Variants in EDEM3 observed in about 807,000 individuals in gnomAD.
EDEM3 encodes the protein ER degradation enhancing alpha-mannosidase like protein 3.
A neutral mutation model predicts 110.2 loss-of-function variants in EDEM3; 60 were observed. The observed-to-expected ratio is 0.54, with a 90% CI of 0.44 to 0.67. The LOEUF is 0.67. EDEM3 is among the 30% of genes least tolerant of loss of function. The pLI is 0.00. For synonymous variants in EDEM3, 352 were observed against 382.9 expected (o/e 0.92, Z 0.94); for missense variants, 996 against 1,121.0 (o/e 0.89, Z 1.59).
chr1:184,691,316 T>C lies in EDEM3; in HGVS notation c.*2747A>G, dbSNP rs1649052624. The stretch of plus-strand genomic sequence containing the variant: ...TGAACTTTTATATGCAGAAAAAAAC[T>C]AGCTATTTTATTTTTAGTAGGTAAA... On this transcript the variant is annotated 3_prime_UTR_variant, in exon 20 of 20. Coordinates refer to ENST00000318130, the MANE Select transcript of EDEM3 (RefSeq NM_025191.4). 6.6e-6 allele frequency: 1 copy of C among 152,540 alleles called. No individual in the cohort carries two copies. The highest frequency in any genetic ancestry group is 2.4e-5 in the African/African-American group (1 of 41,456). 9.4% of individuals were successfully genotyped at this position (152,540 alleles called of 1,614,324 possible).
In EDEM3 at chr1:184,700,091, T is replaced by C. The variant is rs200853839; in HGVS notation, c.2389+2720A>G. ...GTGGATAGCTTAACTTTCAGAAGTG[T>C]CACAGGTTTGACCTAAGGAAGCAAC... On this transcript the variant is annotated intron_variant, in intron 19 of 19. Coordinates refer to ENST00000318130, the MANE Select transcript of EDEM3 (RefSeq NM_025191.4). Among the ~76,000 whole-genome samples the C allele has an allele frequency of 2.2e-4, 33 of 152,108 alleles. No individual in the cohort carries two copies. The East Asian group carries it at 5.4e-3, about 25-fold the overall frequency.
In EDEM3 at chr1:184,723,839, A is replaced by G. The variant is rs552116724; in HGVS notation, c.765T>C (p.Ala255=). ...GTCTTTTTTCCCAGAGAAAATCAAG[A>G]GCTTTTCTGGCATATTCCTGTAATT... The part of the protein sequence containing the change: ...ATIFEEYARK[A]LDFLWEKRQR... Residue 255 remains alanine (A), a synonymous_variant, in exon 8 of 20, where the codon GCT becomes GCC. Coordinates refer to ENST00000318130, the MANE Select transcript of EDEM3 (RefSeq NM_025191.4). 3.2e-6 allele frequency: 5 copies of G among 1,567,202 alleles called. No homozygotes were observed. The highest frequency in any genetic ancestry group is 4.3e-6 in the Non-Finnish European group (5 of 1,159,556).
At chr1:184,716,486 T>G (rs1650553994) in intron 13 of EDEM3, among the ~76,000 whole-genome samples, 1 of 152,146 alleles carries the variant, frequency 6.6e-6, no homozygotes, top group Non-Finnish European at 1.5e-5. Context: ...ACACACAGCT[T>G]TTGAGGAATT....
chr1:184,740,298 T>C (rs759163506), intron 2 of EDEM3, among the ~76,000 whole-genome samples: 1 of 152,172 alleles, frequency 6.6e-6, no homozygotes, highest in Non-Finnish European at 1.5e-5. Context: ...AGGATTTTTG[T>C]CAGTTATGTT....
chr1:184,754,350 C>A, intron 1 of EDEM3, 139 bp downstream of exon 1: 1 of 1,364,682 alleles, frequency 7.3e-7, no homozygotes, highest in Non-Finnish European at 9.8e-7. Context: ...ACCCTGTCCA[C>A]CCCTCTAGGG....
At chr1:184,721,128 C>T in intron 9 of EDEM3, 161 bp downstream of exon 9, 1 of 588,308 alleles carries the variant, frequency 1.7e-6, no homozygotes, top group Non-Finnish European at 2.9e-6. Flanking sequence ...ATGTATATCA[C>T]TTTTTACGCT....
intron 2 of EDEM3, 43 bp downstream of exon 2, chr1:184,749,500 ATAAT>A: frequency 7.2e-7 from 1 of 1,379,612 alleles, no homozygotes. Context: ...TGCTCACATA[ATAAT>A]CAACTCACAT....
intron 13 of EDEM3, among the ~76,000 whole-genome samples, chr1:184,715,708 T>C (rs182603009): frequency 1.3e-5 from 2 of 152,170 alleles, no homozygotes; most frequent in East Asian, 3.8e-4. Context: ...GTTGTAAGGA[T>C]CAAATTAGTT....
Position 184,754,544 on chromosome 1 carries a change from A to G in EDEM3, c.103T>C (p.Ser35Pro). The change falls in exon 1 of 20, where the codon TCC becomes CCC. Residue 35 changes from serine (S) to proline (P), a missense_variant. Transcript: ENST00000318130. ...GGCTCGGCCCCCGCCGTCCACACGG[A>G]GGTGGCCGACACCAGGCAGAACGCG... is the stretch of plus-strand genomic sequence containing the variant. Reference protein sequence around the residue: ...TAAFCLVSATSVWTAGAEPMS... With the variant: ...TAAFCLVSATPVWTAGAEPMS... 6.2e-7 allele frequency: 1 copy of G among 1,612,764 alleles called. No homozygotes were observed. The highest frequency in any genetic ancestry group is 8.5e-7 in the Non-Finnish European group (1 of 1,179,770).
At chr1:184,720,386 T>G (rs894874036) in intron 9 of EDEM3, 3 of 151,970 alleles carry the variant, frequency 2.0e-5, no homozygotes, top group African/African-American at 7.3e-5. Context: ...AATAACCCTA[T>G]AAATAGTACT....
chr1:184,707,178 T>C (rs1282597883), intron 17 of EDEM3, among the ~76,000 whole-genome samples: 1 of 152,218 alleles, frequency 6.6e-6, no homozygotes, highest in African/African-American at 2.4e-5. Context: ...AGTTGGGACC[T>C]GCAGGCAGAT....
At chr1:184,723,549 T>C (rs1041797466) in intron 8 of EDEM3, among the ~76,000 whole-genome samples, 2 of 151,964 alleles carry the variant, frequency 1.3e-5, no homozygotes, top group South Asian at 2.1e-4. Flanking sequence ...CATTAAGAAA[T>C]AGAATACTAA....
Position 184,719,233 on chromosome 1 carries a change from C to G in EDEM3, c.1090G>C (p.Asp364His), listed in dbSNP as rs1303078833. The G allele has an allele frequency of 1.3e-6, 2 of 1,568,610 alleles. No individual in the cohort carries two copies. The highest frequency in any genetic ancestry group is 1.4e-5 in the African/African-American group (1 of 72,560). Residue 364 changes from aspartate (D) to histidine (H), a missense_variant, in exon 11 of 20, where the codon GAT (aspartate) becomes CAT (histidine). Physicochemically the swap from Asp to His is moderately conservative, Grantham distance 81. This residue lies in a region of EDEM3 where 310 missense variants were observed against 394.6 expected (regional missense o/e 0.79). Transcript: ENST00000318130. ...TGAGTTTCAATAGCAGGTCTAATATCCCCCTTTAACACCTAGAAATCAACA... is the reference window on the plus strand; with the variant it reads ...TGAGTTTCAATAGCAGGTCTAATATGCCCCTTTAACACCTAGAAATCAACA... Reference protein sequence around the residue: ...FFPGLQVLKGDIRPAIETHEM... With the variant: ...FFPGLQVLKGHIRPAIETHEM...
Position 184,713,911 on chromosome 1 carries a change from A to G in EDEM3, c.1371-1313T>C, listed in dbSNP as rs372232029. Among the ~76,000 whole-genome samples the G allele has an allele frequency of 1.7e-4, 26 of 152,352 alleles. No individual in the cohort carries two copies. The East Asian group carries it at 2.7e-3, about 16-fold the overall frequency. ...GCACTTGGCATACATATGAGATTGA[A>G]ACTACAGCTATCATTTTTCCTACAT... On this transcript the variant is annotated intron_variant, in intron 13 of 19. Transcript: ENST00000318130.
intron 2 of EDEM3, among the ~76,000 whole-genome samples, chr1:184,742,831 GAAGA>G (rs1261127741): frequency 6.6e-6 from 1 of 152,210 alleles, no homozygotes; most frequent in East Asian, 1.9e-4. Context: ...ACAACACTTA[GAAGA>G]AATACAAAAA....
chr1:184,695,785 T>C (rs1433678361), intron 19 of EDEM3, among the ~76,000 whole-genome samples: 1 of 151,910 alleles, frequency 6.6e-6, no homozygotes, highest in Admixed American at 6.6e-5. Flanking sequence ...AAGTATAAGA[T>C]AATGTCAAAG....
In EDEM3 at chr1:184,702,817, CT is replaced by C. The variant is rs748708170; in HGVS notation, c.2382del (p.Asp795IlefsTer46). ...EVEVLLSDKA[K>X]DRDPEMENEE... is the part of the protein sequence containing the mutation. The stretch of plus-strand genomic sequence containing the variant: ...AATGGTATTTTACTCTTACCTCGAT[CT>C]TTTGCTTTATCAGAGAGGAGCACTT... On this transcript the variant is annotated frameshift_variant, in exon 19 of 20. Coordinates refer to ENST00000318130, the MANE Select transcript of EDEM3 (RefSeq NM_025191.4). LOFTEE classifies it high-confidence loss of function. 4 of 1,591,914 alleles carry C rather than the reference CT, an allele frequency of 2.5e-6. No homozygotes were observed. In the South Asian group the frequency reaches 3.4e-5, roughly 14 times the overall value.
chr1:184,744,285 T>TATATATAG (rs1652305034), intron 2 of EDEM3, among the ~76,000 whole-genome samples: 1 of 113,094 alleles, frequency 8.8e-6, no homozygotes, highest in East Asian at 2.5e-4. Context: ...TATATATATA[T>TATATATAG]ATATATATGA....
At chr1:184,712,373 T>C (rs1571366061) in intron 14 of EDEM3, 60 bp downstream of exon 14, 1 of 1,449,676 alleles carries the variant, frequency 6.9e-7, no homozygotes. Context: ...ACTTTTCACT[T>C]GGAAAAATAA....
Sources: allele counts gnomAD v4.1 joint callset (sites outside exome capture counted in the v4.1 genomes callset), GRCh38; gene constraint gnomAD v4.1.1; regional missense constraint gnomAD v4.1.1; transcripts MANE v1.5; gene names NCBI Gene and HGNC (gene_info 2026-07-23, HGNC 2026-07-21).